Variants in CGGBP1 observed in about 807,000 individuals in gnomAD.
CGGBP1 encodes the protein CGG triplet repeat-binding protein 1.
CGGBP1 carries 4 observed loss-of-function variants against 11.4 expected under a neutral mutation model. The observed-to-expected ratio is 0.35, with a 90% CI of 0.17 to 0.80. The LOEUF is 0.80. Ranked by LOEUF, CGGBP1 falls within the 30% of genes least tolerant of loss-of-function variation. The pLI is 0.52. For missense variants in CGGBP1, 135 were observed against 202.1 expected, an observed-to-expected ratio of 0.67 and a Z score of 2.01; for synonymous variants, 76 against 74.1, an observed-to-expected ratio of 1.03 and a Z score of -0.13.
At chr3:88,065,416 C>T (rs1279145247) in intron 2 of CGGBP1, among the ~76,000 whole-genome samples, 1 of 152,014 alleles carries the variant, frequency 6.6e-6, no homozygotes, top group East Asian at 1.9e-4. Context: ...GGAGTTAGTA[C>T]ATATAATGTA....
In CGGBP1 at chr3:88,087,645, C is replaced by G. The variant is rs547888359; in HGVS notation, c.-228-29422G>C. On this transcript the variant is annotated intron_variant, in intron 2 of 3. Coordinates refer to the CGGBP1 transcript ENST00000462901. ...CTTCATCTGTTATTTATTTATACCT[C>G]AAATTGTACTCACACCACAACAGTG... Among the ~76,000 whole-genome samples the G allele has an allele frequency of 3.3e-5, 5 of 152,270 alleles. No homozygotes were observed. The South Asian group carries it at 1.0e-3, about 32-fold the overall frequency.
At chr3:88,126,108 G>C in intron 2 of CGGBP1, 1 of 1,449,512 alleles carries the variant, frequency 6.9e-7, no homozygotes, top group Non-Finnish European at 9.1e-7. Flanking sequence ...TAAATTCACA[G>C]AGCCAAAATG....
intron 2 of CGGBP1, among the ~76,000 whole-genome samples, chr3:88,065,490 G>A (rs1282497294): frequency 1.3e-5 from 2 of 152,098 alleles, no homozygotes; most frequent in Non-Finnish European, 2.9e-5. Flanking sequence ...ACGAGAAACT[G>A]TTTATAGTGT....
intron 2 of CGGBP1, among the ~76,000 whole-genome samples, chr3:88,124,370 T>A (rs1009538367): frequency 1.3e-5 from 2 of 152,218 alleles, no homozygotes; most frequent in African/African-American, 4.8e-5. Context: ...CTTAAATAAC[T>A]TAGAAGATAT....
At chr3:88,123,144 A>G (rs1397637013) in intron 2 of CGGBP1, among the ~76,000 whole-genome samples, 2 of 152,148 alleles carry the variant, frequency 1.3e-5, no homozygotes, top group African/African-American at 4.8e-5. Flanking sequence ...ATTGAATATC[A>G]TCCAAAAAAG....
At chr3:88,140,463 G>C (rs745595096) in intron 2 of CGGBP1, 1 of 1,613,508 alleles carries the variant, frequency 6.2e-7, no homozygotes, top group African/African-American at 1.3e-5. Flanking sequence ...AGAAAGTATG[G>C]AAAAGAAAAC....
At chr3:88,139,397 A>G (rs1269018583) in intron 2 of CGGBP1, 3 of 1,613,710 alleles carry the variant, frequency 1.9e-6, no homozygotes, top group African/African-American at 2.7e-5. Context: ...CATGTGTAAT[A>G]TGTGGTAGGA....
intron 2 of CGGBP1, among the ~76,000 whole-genome samples, chr3:88,082,273 C>T (rs1232641940): frequency 5.9e-5 from 9 of 152,164 alleles, no homozygotes; most frequent in East Asian, 1.9e-4. Flanking sequence ...ACTACAGGCG[C>T]GTGCCACCAC....
chr3:88,100,263 C>T (rs1293299772), intron 2 of CGGBP1, among the ~76,000 whole-genome samples: 1 of 152,108 alleles, frequency 6.6e-6, no homozygotes, highest in African/African-American at 2.4e-5. Flanking sequence ...CAAATCAAAA[C>T]CACAATGAGA....
intron 2 of CGGBP1, among the ~76,000 whole-genome samples, chr3:88,128,342 T>C (rs934659656): frequency 1.3e-5 from 2 of 152,156 alleles, no homozygotes; most frequent in Admixed American, 1.3e-4. Context: ...ATTCAACTTT[T>C]TCATTAATTC....
chr3:88,124,280 C>G (rs1387768894), intron 2 of CGGBP1, among the ~76,000 whole-genome samples: 2 of 152,178 alleles, frequency 1.3e-5, no homozygotes, highest in Non-Finnish European at 2.9e-5. Context: ...GAGGAATTGA[C>G]TGATAGAGCA....
intron 2 of CGGBP1, among the ~76,000 whole-genome samples, chr3:88,106,929 G>T (rs1251779248): frequency 2.6e-5 from 4 of 152,080 alleles, no homozygotes; most frequent in Non-Finnish European, 4.4e-5. Flanking sequence ...ACATACTATT[G>T]TGGTCTCTTT....
intron 2 of CGGBP1, among the ~76,000 whole-genome samples, chr3:88,096,931 T>A (rs941206623): frequency 6.6e-6 from 1 of 152,164 alleles, no homozygotes; most frequent in Non-Finnish European, 1.5e-5. Flanking sequence ...CAAATGCTAG[T>A]ATACTATACA....
chr3:88,066,634 A>G (rs1707218135), intron 2 of CGGBP1, among the ~76,000 whole-genome samples: 1 of 152,126 alleles, frequency 6.6e-6, no homozygotes, highest in Admixed American at 6.6e-5. Flanking sequence ...GCAGGAGGAA[A>G]TATATTTAAA....
intron 2 of CGGBP1, among the ~76,000 whole-genome samples, chr3:88,116,016 A>T (rs1470077013): frequency 6.6e-6 from 1 of 152,158 alleles, no homozygotes; most frequent in South Asian, 2.1e-4. Flanking sequence ...GGAAAAGATA[A>T]TATAGAGAGA....
intron 2 of CGGBP1, among the ~76,000 whole-genome samples, chr3:88,086,767 T>C (rs1708355193): frequency 6.6e-6 from 1 of 151,990 alleles, no homozygotes; most frequent in African/African-American, 2.4e-5. Flanking sequence ...GTTAGGAAAA[T>C]CCTGTTTGTT....
intron 1 of CGGBP1, among the ~76,000 whole-genome samples, chr3:88,145,609 G>C (rs943072355): frequency 3.3e-5 from 5 of 152,082 alleles, no homozygotes; most frequent in African/African-American, 1.2e-4. Context: ...ACCAAATTAA[G>C]CTGATTTTCA....
At chr3:88,090,312 A>G (rs1708563791) in intron 2 of CGGBP1, among the ~76,000 whole-genome samples, 1 of 152,182 alleles carries the variant, frequency 6.6e-6, no homozygotes, top group African/African-American at 2.4e-5. Context: ...AATTATATTG[A>G]TGACCCTGAT....
rs373764591 is a variant in CGGBP1, at chr3:88,128,696, T to C, written c.-229+12274A>G. 4.0e-5 allele frequency: 28 copies of C among 694,610 alleles called. No homozygotes were observed. In the East Asian group the frequency reaches 6.4e-4, roughly 16 times the overall value. 43.0% of individuals were successfully genotyped at this position (694,610 alleles called of 1,614,324 possible). On this transcript the variant is annotated intron_variant, in intron 2 of 3. Transcript: ENST00000462901. Reference sequence around the variant, plus strand: ...TAAACTCCTACTAAGGAAAATGCTATTTAAGTAGTTAAATCTAATTAGAAA... The same window carrying C: ...TAAACTCCTACTAAGGAAAATGCTACTTAAGTAGTTAAATCTAATTAGAAA...
Sources: gnomAD v4.1 joint callset for allele counts (sites outside exome capture counted in the v4.1 genomes callset) on GRCh38, gnomAD v4.1.1 for gene constraint, MANE v1.5 for transcripts, NCBI Gene and HGNC (gene_info 2026-07-23, HGNC 2026-07-21) for gene names.